Variants in TMEM255B observed in about 807,000 individuals in gnomAD.
TMEM255B encodes the protein family with sequence similarity 70, member B.
A neutral mutation model predicts 34.5 loss-of-function variants in TMEM255B; 35 were observed. The observed-to-expected ratio is 1.01, with a 90% CI of 0.77 to 1.34. TMEM255B has a LOEUF of 1.34. TMEM255B is among the 40% of genes most tolerant of loss of function. The pLI is 0.00. For missense variants in TMEM255B, 432 were observed against 433.2 expected (o/e 1.00, Z 0.02); for synonymous variants, 206 against 201.2 (o/e 1.02, Z -0.20).
Position 113,770,345 on chromosome 13 carries a change from C to T in TMEM255B, c.252+1185C>T, listed in dbSNP as rs2140807444. Among the ~76,000 whole-genome samples, 1 of 152,258 alleles carries T rather than the reference C, an allele frequency of 6.6e-6. No individual in the cohort carries two copies. The highest frequency in any genetic ancestry group is 2.1e-4 in the South Asian group (1 of 4,820). On this transcript the variant is annotated intron_variant, in intron 3 of 8. Transcript: ENST00000375353. This position sits in a 1 kb window ranked among gnomAD's most constrained non-coding sequence, Gnocchi z 4.6. ...TGCCCCCCATGATTCAACTGCCTTC[C>T]ACCAGGTCCCTCCCACAACACATGA...
In TMEM255B at chr13:113,813,069, C is replaced by G. The variant is rs1219355948; in HGVS notation, c.*1166C>G. ...TGACAGGAGTTCAGGATGCGCCACCCCAAAGTAGCCGAAGTCTCTTGAAAA... is the reference window on the plus strand; with the variant it reads ...TGACAGGAGTTCAGGATGCGCCACCGCAAAGTAGCCGAAGTCTCTTGAAAA... On this transcript the variant is annotated 3_prime_UTR_variant, in exon 9 of 9. Transcript: ENST00000375353. The G allele has an allele frequency of 6.6e-6, 1 of 151,156 alleles. No individual in the cohort carries two copies. The highest frequency in any genetic ancestry group is 1.5e-5 in the Non-Finnish European group (1 of 67,874). 9.4% of individuals were successfully genotyped at this position (151,156 alleles called of 1,614,324 possible). A position where few individuals can be genotyped will look rare whatever the true frequency, so the allele number is the denominator to read the frequency against.
intron 3 of TMEM255B, among the ~76,000 whole-genome samples, chr13:113,781,948 T>A (rs1396670954): frequency 6.6e-6 from 1 of 152,200 alleles, no homozygotes; most frequent in African/African-American, 2.4e-5. Context: ...CCTTTTTGCA[T>A]AGCTAGGGGG....
intron 8 of TMEM255B, among the ~76,000 whole-genome samples, chr13:113,805,502 G>C (rs930673400): frequency 6.6e-6 from 1 of 152,244 alleles, no homozygotes; most frequent in Non-Finnish European, 1.5e-5. Flanking sequence ...AGGCCATGGT[G>C]GGGGGCGAGC....
chr13:113,796,724 T>C (rs1438916439), intron 4 of TMEM255B, among the ~76,000 whole-genome samples: 1 of 152,148 alleles, frequency 6.6e-6, no homozygotes, highest in Non-Finnish European at 1.5e-5. Flanking sequence ...CATCTGGGCG[T>C]CAGCTGGTCC....
rs927214500 is a variant in TMEM255B at position 113,806,143 on chromosome 13, A to G, written c.813+1115A>G. Among the ~76,000 whole-genome samples, 1 of 151,824 alleles carries G rather than the reference A, an allele frequency of 6.6e-6. No individual in the cohort carries two copies. Among genetic ancestry groups the G allele is most frequent in the Non-Finnish European group, 1.5e-5 (1 of 67,920 alleles). Reference sequence around the variant, plus strand: ...GGACATCCGGGGGAGGCCTGTGCACACTCTGCCCTCACGTCCAGGACAGAG... The same window carrying G: ...GGACATCCGGGGGAGGCCTGTGCACGCTCTGCCCTCACGTCCAGGACAGAG... On this transcript the variant is annotated intron_variant, in intron 8 of 8. Coordinates refer to ENST00000375353, the MANE Select transcript of TMEM255B (RefSeq NM_182614.4). This position sits in a 1 kb window ranked among gnomAD's most constrained non-coding sequence, Gnocchi z 4.2.
In TMEM255B at chr13:113,769,033, A is replaced by C; in HGVS notation, c.190-65A>C. 6.3e-7 allele frequency: 1 copy of C among 1,575,226 alleles called. No homozygotes were observed. Among genetic ancestry groups the C allele is most frequent in the South Asian group, 1.1e-5 (1 of 89,980 alleles). The stretch of plus-strand genomic sequence containing the variant: ...TTGAGGGCGGGATTATTTGCTTTAA[A>C]TGTCAGTGTTAAGCTTCTAGGCACG... On this transcript the variant is annotated intron_variant, in intron 2 of 8. Transcript: ENST00000375353. This position sits in a 1 kb window ranked among gnomAD's most constrained non-coding sequence, Gnocchi z 4.2.
At chr13:113,761,241 T>C (rs749807259) in intron 1 of TMEM255B, 37 of 985,208 alleles carry the variant, frequency 3.8e-5, no homozygotes, top group Non-Finnish European at 4.3e-5. Flanking sequence ...TTCCAAGCAG[T>C]GCCACCTCCC....
At chr13:113,792,117 C>T (rs2050843212) in intron 3 of TMEM255B, among the ~76,000 whole-genome samples, 2 of 152,258 alleles carry the variant, frequency 1.3e-5, no homozygotes, top group African/African-American at 4.8e-5. Context: ...AAATGTTGCC[C>T]TCTGAGCCGT....
intron 8 of TMEM255B, among the ~76,000 whole-genome samples, chr13:113,805,874 C>T (rs985469612): frequency 1.1e-4 from 17 of 152,214 alleles, no homozygotes; most frequent in African/African-American, 3.9e-4. Flanking sequence ...CCCACATGCC[C>T]GGCTGACTGG....
chr13:113,806,642 C>T lies in TMEM255B; in HGVS notation c.813+1614C>T, dbSNP rs922346752. ...CAGTGGTCACTCCTGCAGGCAGGCG[C>T]GTCTGCTTGGTGCCACAGGCAGCTT... On this transcript the variant is annotated intron_variant, in intron 8 of 8. Transcript: ENST00000375353. The surrounding 1 kb of genome is among the most constrained non-coding windows in gnomAD (Gnocchi z 4.2). 2.6e-5 allele frequency among the ~76,000 whole-genome samples: 4 copies of T among 152,156 alleles called. No homozygotes were observed. Among genetic ancestry groups the T allele is most frequent in the Admixed American group, 6.5e-5 (1 of 15,286 alleles).
At chr13:113,789,391 G>A (rs1188394698) in intron 3 of TMEM255B, among the ~76,000 whole-genome samples, 1 of 152,184 alleles carries the variant, frequency 6.6e-6, no homozygotes, top group African/African-American at 2.4e-5. Context: ...GGTTGCTTGT[G>A]TCTTTGGAGA....
rs377662560 is a variant in TMEM255B at position 113,766,242 on chromosome 13, C to G, written c.174C>G (p.Tyr58Ter). The change falls in exon 2 of 9, where the codon TAC becomes TAG. Residue 58 changes from tyrosine to a stop codon, truncating the protein, a stop_gained. Coordinates refer to ENST00000375353, the MANE Select transcript of TMEM255B (RefSeq NM_182614.4). LOFTEE classifies it high-confidence loss of function. ...CGGAGAATGTGACCGTTGGGGGCTA[C>G]TACCCAGGGATCATTGTGAGTGCGC... ...TRTENVTVGG[Y>*]YPGIILGFGS... 2.2e-5 allele frequency: 35 copies of G among 1,614,092 alleles called. No homozygotes were observed. Among genetic ancestry groups the G allele is most frequent in the Non-Finnish European group, 2.6e-5 (31 of 1,180,046 alleles).
At chr13:113,763,815 C>T (rs2050345674) in intron 1 of TMEM255B, among the ~76,000 whole-genome samples, 1 of 152,254 alleles carries the variant, frequency 6.6e-6, no homozygotes, top group South Asian at 2.1e-4. Flanking sequence ...ATCTTCCCAA[C>T]CTTTTCCAGT....
At chr13:113,768,607 C>T (rs2050429306) in intron 2 of TMEM255B, among the ~76,000 whole-genome samples, 1 of 152,184 alleles carries the variant, frequency 6.6e-6, no homozygotes, top group Admixed American at 6.5e-5. Context: ...CTGCCCTGCT[C>T]ACTCTCCCGA....
intron 2 of TMEM255B, among the ~76,000 whole-genome samples, chr13:113,768,678 C>A (rs1216659554): frequency 6.6e-6 from 1 of 152,166 alleles, no homozygotes; most frequent in Non-Finnish European, 1.5e-5. Context: ...TGCCTGGCAA[C>A]CCTTCTTTTG....
At chr13:113,801,054 C>A in intron 6 of TMEM255B, 142 bp downstream of exon 6, 1 of 800,802 alleles carries the variant, frequency 1.2e-6, no homozygotes, top group South Asian at 1.8e-5. Context: ...CGCTGGGAAC[C>A]CCCGTATGTG....
rs1159651218 is a variant in TMEM255B, at chr13:113,770,478, G to A, written c.252+1318G>A. On this transcript the variant is annotated intron_variant, in intron 3 of 8. Transcript: ENST00000375353. The surrounding 1 kb of genome is among the most constrained non-coding windows in gnomAD (Gnocchi z 4.6). ...GGAGACTGACCCTTGGGCAGATGGA[G>A]CCTGACCGTGTGAGGGTGGGAGGTC... 3.9e-5 allele frequency among the ~76,000 whole-genome samples: 6 copies of A among 152,194 alleles called. No individual in the cohort carries two copies. Among genetic ancestry groups the A allele is most frequent in the Admixed American group, 2.6e-4 (4 of 15,288 alleles).
At chr13:113,764,090 G>C (rs1490115746) in intron 1 of TMEM255B, among the ~76,000 whole-genome samples, 1 of 152,050 alleles carries the variant, frequency 6.6e-6, no homozygotes, top group African/African-American at 2.4e-5. Flanking sequence ...CGTGCTCCAT[G>C]CACACAGGAA....
chr13:113,802,124 A>G (rs1003199003), intron 7 of TMEM255B, among the ~76,000 whole-genome samples: 42 of 152,306 alleles, frequency 2.8e-4, no homozygotes, highest in African/African-American at 9.9e-4. Context: ...AGCTCCCATC[A>G]TTAGCAACTG....
Sources: gnomAD v4.1 joint callset for allele counts (sites outside exome capture counted in the v4.1 genomes callset) on GRCh38, gnomAD v4.1.1 for gene constraint, Gnocchi (gnomAD v3.1) non-coding constraint, MANE v1.5 for transcripts, NCBI Gene and HGNC (gene_info 2026-07-23, HGNC 2026-07-21) for gene names.